Variants in DLG2 observed in about 807,000 individuals in gnomAD.
DLG2 encodes disks large homolog 2.
Under a neutral mutation model 132.5 loss-of-function variants are expected in DLG2, and 45 were observed. The observed-to-expected ratio is 0.34, with a 90% CI of 0.27 to 0.44. The LOEUF (loss-of-function observed/expected upper bound fraction) is 0.44, where lower values mean the gene tolerates loss of function less well. DLG2 is among the 20% of genes least tolerant of loss of function. DLG2 has a pLI of 1.00. For synonymous variants in DLG2, 424 were observed against 419.6 expected (o/e 1.01, Z -0.13); for missense variants, 1,045 against 1,196.9 (o/e 0.87, Z 1.87).
chr11:85,222,754 C>A (rs2074732605), intron 4 of DLG2, among the ~76,000 whole-genome samples: 1 of 152,144 alleles, frequency 6.6e-6, no homozygotes, highest in Non-Finnish European at 1.5e-5. Context: ...AATATGGATT[C>A]CTTGCTGAAT....
chr11:84,962,130 G>A (rs929004090), intron 6 of DLG2, among the ~76,000 whole-genome samples: 2 of 152,348 alleles, frequency 1.3e-5, no homozygotes, highest in African/African-American at 2.4e-5. Context: ...GCACATACAC[G>A]GTGCTTTACA....
chr11:84,521,481 A>G (rs1490038385), intron 7 of DLG2, among the ~76,000 whole-genome samples: 1 of 152,240 alleles, frequency 6.6e-6, no homozygotes, highest in Non-Finnish European at 1.5e-5. Context: ...TGTAAAATTA[A>G]GTAATTACAA....
chr11:84,814,003 C>A (rs1452977365), intron 6 of DLG2, among the ~76,000 whole-genome samples: 1 of 152,112 alleles, frequency 6.6e-6, no homozygotes, highest in African/African-American at 2.4e-5. Flanking sequence ...ACACTATATT[C>A]CTGCAGAGTA....
intron 3 of DLG2, among the ~76,000 whole-genome samples, chr11:85,331,152 A>G (rs933708308): frequency 6.6e-6 from 1 of 152,186 alleles, no homozygotes; most frequent in African/African-American, 2.4e-5. Flanking sequence ...TTTTCTAAAG[A>G]TCTGAACCTG....
intron 6 of DLG2, among the ~76,000 whole-genome samples, chr11:84,916,127 C>G (rs1225980814): frequency 6.6e-6 from 1 of 151,504 alleles, no homozygotes; most frequent in African/African-American, 2.4e-5. Flanking sequence ...GGGCGGATCA[C>G]GAGGTCAGGA....
intron 4 of DLG2, among the ~76,000 whole-genome samples, chr11:85,188,448 T>G (rs2080289773): frequency 6.6e-6 from 1 of 152,166 alleles, no homozygotes; most frequent in South Asian, 2.1e-4. Flanking sequence ...AAATGTCTAG[T>G]TTTTTTAAAA....
At chr11:83,824,372 G>A (rs1057493731) in intron 17 of DLG2, among the ~76,000 whole-genome samples, 9 of 152,026 alleles carry the variant, frequency 5.9e-5, no homozygotes, top group Non-Finnish European at 1.3e-4. Flanking sequence ...CTCCCTTCAT[G>A]AGGCTACATG....
At chr11:85,523,464 A>G (rs1419927952) in intron 3 of DLG2, among the ~76,000 whole-genome samples, 1 of 152,214 alleles carries the variant, frequency 6.6e-6, no homozygotes, top group African/African-American at 2.4e-5. Context: ...CAAATAGGCA[A>G]ACAAGTACAT....
At chr11:84,273,325 A>AC in intron 7 of DLG2, 2 of 1,396,090 alleles carry the variant, frequency 1.4e-6, no homozygotes, top group Non-Finnish European at 1.9e-6. Flanking sequence ...AAAAAAAAAA[A>AC]AAAACCCTGC....
intron 9 of DLG2, among the ~76,000 whole-genome samples, chr11:84,149,021 T>G (rs143616283): frequency 3.2e-4 from 48 of 152,314 alleles, no homozygotes; most frequent in Non-Finnish European, 5.4e-4. Flanking sequence ...TGACTTCTCT[T>G]GAGAAGTATC....
chr11:85,020,135 T>A (rs2059916090), intron 6 of DLG2, among the ~76,000 whole-genome samples: 1 of 152,176 alleles, frequency 6.6e-6, no homozygotes, highest in Non-Finnish European at 1.5e-5. Flanking sequence ...ACCTGTTGTT[T>A]CCTGACTTTT....
At chr11:84,001,534 A>G (rs936926814) in intron 11 of DLG2, among the ~76,000 whole-genome samples, 1 of 152,292 alleles carries the variant, frequency 6.6e-6, no homozygotes, top group South Asian at 2.1e-4. Context: ...TCGGCATTAG[A>G]CAGATCATTT....
At chr11:83,974,400 A>T (rs2091886586) in intron 12 of DLG2, among the ~76,000 whole-genome samples, 1 of 152,072 alleles carries the variant, frequency 6.6e-6, no homozygotes, top group Non-Finnish European at 1.5e-5. Flanking sequence ...TTTCAAATAA[A>T]AATAAGATAT....
intron 18 of DLG2, among the ~76,000 whole-genome samples, chr11:83,734,382 TCC>T (rs1488257691): frequency 1.2e-4 from 17 of 146,376 alleles, no homozygotes; most frequent in African/African-American, 4.1e-4. Context: ...CTTCCTTCCT[TCC>T]TTCCTTCCTT....
intron 3 of DLG2, among the ~76,000 whole-genome samples, chr11:85,440,918 G>C (rs549062212): frequency 6.6e-6 from 1 of 152,240 alleles, no homozygotes; most frequent in East Asian, 1.9e-4. Flanking sequence ...ATCTCAAATA[G>C]ACTTCCTCTG....
At chr11:84,310,548 C>T (rs1348891560) in intron 7 of DLG2, among the ~76,000 whole-genome samples, 1 of 152,222 alleles carries the variant, frequency 6.6e-6, no homozygotes. Context: ...CTTATGTCAG[C>T]ATCCAGCAAT....
At position 84,841,539 on chromosome 11, in the gene DLG2, T is replaced by G. The variant is rs533983499; in HGVS notation, c.357+270122A>C. ...TTCTAAGTTTTTCATCTGTTTTGTT[T>G]ACCTATTTTTAGTTATTCCTTGTAG... On this transcript the variant is annotated intron_variant, in intron 6 of 27. Transcript: ENST00000376104. Among the ~76,000 whole-genome samples the G allele has an allele frequency of 1.0e-3, 155 of 152,154 alleles. 2 individuals carry two copies. Among genetic ancestry groups the G allele is most frequent in the African/African-American group, 3.4e-3 (141 of 41,550 alleles).
intron 6 of DLG2, among the ~76,000 whole-genome samples, chr11:84,670,626 CAT>C (rs1387678418): frequency 1.3e-5 from 2 of 152,212 alleles, no homozygotes; most frequent in Non-Finnish European, 2.9e-5. Context: ...ATTGATTGAA[CAT>C]GTGTTGTTTT....
At chr11:83,771,552 T>C (rs577516219) in intron 18 of DLG2, among the ~76,000 whole-genome samples, 5 of 152,302 alleles carry the variant, frequency 3.3e-5, no homozygotes, top group Admixed American at 2.6e-4. Context: ...GCTACAAATA[T>C]GTACAGCATG....
Sources: allele counts gnomAD v4.1 joint callset (sites outside exome capture counted in the v4.1 genomes callset), GRCh38; gene constraint gnomAD v4.1.1; transcripts MANE v1.5; gene names NCBI Gene and HGNC (gene_info 2026-07-23, HGNC 2026-07-21).